The following FOXO3 variants were observed in gnomAD, a reference collection of about 807,000 sequenced individuals.
The protein encoded by FOXO3 is forkhead box O3, also known as forkhead box protein O3.
Under a neutral mutation model 41.9 loss-of-function variants are expected in FOXO3, and 4 were observed. The ratio of observed to expected loss-of-function variants is 0.10; its 90% CI spans 0.05 to 0.22. The LOEUF is 0.22. Ranked by LOEUF, FOXO3 falls within the 10% of genes least tolerant of loss-of-function variation. The pLI is 1.00. For missense variants in FOXO3, 534 were observed against 906.8 expected (o/e 0.59, Z 5.28); for synonymous variants, 318 against 389.3 (o/e 0.82, Z 2.16).
chr6:108,566,558 C>A (rs1221005324), intron 1 of FOXO3, among the ~76,000 whole-genome samples: 2 of 152,082 alleles, frequency 1.3e-5, no homozygotes, highest in African/African-American at 4.8e-5. Context: ...GGGCACATAG[C>A]AAAACCCCAT....
chr6:108,586,976 T>G (rs1309937425), intron 1 of FOXO3, among the ~76,000 whole-genome samples: 2 of 143,936 alleles, frequency 1.4e-5, no homozygotes, highest in Admixed American at 6.9e-5. Context: ...TTATTATTAT[T>G]ATTATTATTA....
At chr6:108,639,953 G>A (rs1778214250) in intron 1 of FOXO3, among the ~76,000 whole-genome samples, 1 of 152,182 alleles carries the variant, frequency 6.6e-6, no homozygotes, top group South Asian at 2.1e-4. Context: ...CCTTGGAGGG[G>A]CAGAATCTAA....
intron 1 of FOXO3, among the ~76,000 whole-genome samples, chr6:108,623,834 T>A (rs1224507535): frequency 6.6e-6 from 1 of 152,222 alleles, no homozygotes; most frequent in Non-Finnish European, 1.5e-5. Flanking sequence ...TCCTTCTTAA[T>A]GAACAGTTGA....
At chr6:108,617,797 A>C (rs1777557177) in intron 1 of FOXO3, among the ~76,000 whole-genome samples, 1 of 151,294 alleles carries the variant, frequency 6.6e-6, no homozygotes, top group East Asian at 1.9e-4. Flanking sequence ...TTGGCTGTTA[A>C]AAAAAAAATG....
chr6:108,567,799 C>A (rs59463459), intron 1 of FOXO3, among the ~76,000 whole-genome samples: 5,902 of 152,232 alleles, frequency 0.039, 381 homozygotes, highest in African/African-American at 0.13. Context: ...GTAATCCCAG[C>A]ACTTTGGGAG....
At chr6:108,675,682 G>A (rs1182001708) in intron 2 of FOXO3, among the ~76,000 whole-genome samples, 5 of 152,148 alleles carry the variant, frequency 3.3e-5, no homozygotes, top group Non-Finnish European at 7.3e-5. Context: ...TGCTTGTGGG[G>A]CAAACTTTCC....
At chr6:108,612,565 G>A (rs556969332) in intron 1 of FOXO3, among the ~76,000 whole-genome samples, 122 of 151,862 alleles carry the variant, frequency 8.0e-4, no homozygotes, top group African/African-American at 2.7e-3. Flanking sequence ...CTGTAATCCC[G>A]GCTACTCAGG....
chr6:108,600,541 CATCTCAA>C (rs1389076015), intron 1 of FOXO3, among the ~76,000 whole-genome samples: 2 of 96,490 alleles, frequency 2.1e-5, no homozygotes, highest in South Asian at 8.8e-4. Context: ...AGCAAGTCTC[CATCTCAA>C]AAAAAAAAAA....
intron 1 of FOXO3, among the ~76,000 whole-genome samples, chr6:108,649,487 G>A (rs1194262248): frequency 7.0e-6 from 1 of 142,810 alleles, no homozygotes; most frequent in African/African-American, 2.6e-5. Context: ...ATAAGTAGCT[G>A]ATATCCCTAG....
intron 1 of FOXO3, among the ~76,000 whole-genome samples, chr6:108,621,204 A>G (rs1320597504): frequency 6.6e-6 from 1 of 152,178 alleles, no homozygotes; most frequent in South Asian, 2.1e-4. Context: ...TTTAAAAGCT[A>G]TGCTTGTATG....
chr6:108,604,520 T>A (rs1777138869), intron 1 of FOXO3, among the ~76,000 whole-genome samples: 1 of 152,228 alleles, frequency 6.6e-6, no homozygotes, highest in African/African-American at 2.4e-5. Context: ...GTAATATTAC[T>A]TCTGACACTG....
chr6:108,576,149 A>T (rs939656892), intron 1 of FOXO3, among the ~76,000 whole-genome samples: 1 of 152,198 alleles, frequency 6.6e-6, no homozygotes, highest in Non-Finnish European at 1.5e-5. Flanking sequence ...CCTGTCCAAT[A>T]AAGATAAGTT....
chr6:108,569,533 G>A (rs533851281), intron 1 of FOXO3, among the ~76,000 whole-genome samples: 28 of 152,308 alleles, frequency 1.8e-4, no homozygotes, highest in Non-Finnish European at 3.2e-4. Flanking sequence ...AGTTTTTGAG[G>A]TTTTAATCTT....
chr6:108,615,359 A>G (rs931715054), intron 1 of FOXO3, among the ~76,000 whole-genome samples: 2 of 152,098 alleles, frequency 1.3e-5, no homozygotes, highest in African/African-American at 4.8e-5. Flanking sequence ...TTTGAAAGAC[A>G]CTTTTAATAG....
intron 1 of FOXO3, among the ~76,000 whole-genome samples, chr6:108,634,537 T>G (rs1426454746): frequency 6.6e-6 from 1 of 152,070 alleles, no homozygotes; most frequent in Non-Finnish European, 1.5e-5. Flanking sequence ...ATATCTAGGG[T>G]GCTTGAGGTT....
At chr6:108,642,801 A>G (rs1048372023) in intron 1 of FOXO3, among the ~76,000 whole-genome samples, 4 of 152,154 alleles carry the variant, frequency 2.6e-5, no homozygotes, top group Non-Finnish European at 5.9e-5. Context: ...TTTAACTCTT[A>G]ACTTGCATTG....
chr6:108,637,304 G>C (rs543015141), intron 1 of FOXO3, among the ~76,000 whole-genome samples: 35 of 152,226 alleles, frequency 2.3e-4, no homozygotes, highest in African/African-American at 8.4e-4. Context: ...TCGAGGTGCT[G>C]CTGGGTTCGG....
intron 1 of FOXO3, among the ~76,000 whole-genome samples, chr6:108,622,931 GAAAA>G (rs534351537): frequency 9.3e-6 from 1 of 107,724 alleles, no homozygotes; most frequent in African/African-American, 3.5e-5. Flanking sequence ...GGGCCTTTTA[GAAAA>G]AAAAAAAAAA....
At chr6:108,665,199 C>T (rs555808210) in intron 2 of FOXO3, among the ~76,000 whole-genome samples, 17 of 152,222 alleles carry the variant, frequency 1.1e-4, no homozygotes, top group African/African-American at 3.4e-4. Context: ...TGGCCTGTGA[C>T]GCAGGTTGCC....
Sources: gnomAD v4.1 joint callset for allele counts (sites outside exome capture counted in the v4.1 genomes callset) on GRCh38, gnomAD v4.1.1 for gene constraint, MANE v1.5 for transcripts, NCBI Gene and HGNC (gene_info 2026-07-23, HGNC 2026-07-21) for gene names.